The following MACROD2 variants were observed in gnomAD, a reference collection of about 807,000 sequenced individuals.
MACROD2 encodes mono-ADP ribosylhydrolase 2.
MACROD2 carries 36 observed loss-of-function variants against 70.4 expected under a neutral mutation model. The observed-to-expected ratio is 0.51, with a 90% confidence interval of 0.39 to 0.68. MACROD2 has a LOEUF of 0.68. Among genes scored for constraint, MACROD2 ranks in the 30% least tolerant of loss-of-function variants. The pLI, the probability that MACROD2 is intolerant of heterozygous loss-of-function variation, is 0.00. For synonymous variants in MACROD2, 172 were observed against 178.8 expected (o/e 0.96, Z 0.30); for missense variants, 496 against 538.4 (o/e 0.92, Z 0.78).
intron 4 of MACROD2, among the ~76,000 whole-genome samples, chr20:14,644,978 C>A (rs1405968207): frequency 6.6e-6 from 1 of 152,090 alleles, no homozygotes; most frequent in Non-Finnish European, 1.5e-5. Flanking sequence ...AGACTTTACA[C>A]TTATGGATTG....
At chr20:14,249,845 A>G (rs987521845) in intron 3 of MACROD2, among the ~76,000 whole-genome samples, 24 of 152,296 alleles carry the variant, frequency 1.6e-4, no homozygotes, top group African/African-American at 4.8e-4. Context: ...TATATAATAC[A>G]AGTGATAATG....
chr20:15,116,081 C>A (rs2075989884), intron 5 of MACROD2, among the ~76,000 whole-genome samples: 1 of 152,190 alleles, frequency 6.6e-6, no homozygotes, highest in Non-Finnish European at 1.5e-5. Context: ...GATATACAGA[C>A]CTTCTTTCCT....
chr20:15,458,655 T>G (rs560836300), intron 7 of MACROD2, among the ~76,000 whole-genome samples: 23 of 151,226 alleles, frequency 1.5e-4, no homozygotes, highest in African/African-American at 5.3e-4. Flanking sequence ...AAAAAAAGAT[T>G]GTGCCATTTA....
At chr20:14,141,127 G>A (rs1336349230) in intron 3 of MACROD2, among the ~76,000 whole-genome samples, 3 of 152,144 alleles carry the variant, frequency 2.0e-5, no homozygotes, top group Non-Finnish European at 2.9e-5. Context: ...TATTCCAGTG[G>A]CAATGGAATT....
At chr20:16,044,733 TC>T in intron 17 of MACROD2, 94 bp downstream of exon 17, 1 of 1,127,526 alleles carries the variant, frequency 8.9e-7, no homozygotes, top group Non-Finnish European at 1.3e-6. Flanking sequence ...TTTTGCCAAG[TC>T]CCCACAGCAT....
intron 8 of MACROD2, among the ~76,000 whole-genome samples, chr20:15,704,754 A>T (rs1422388827): frequency 6.6e-6 from 1 of 152,258 alleles, no homozygotes; most frequent in Non-Finnish European, 1.5e-5. Context: ...AAGTAGATGG[A>T]AAATAAAAGT....
intron 3 of MACROD2, among the ~76,000 whole-genome samples, chr20:14,262,606 A>G (rs1182387406): frequency 1.3e-5 from 2 of 152,204 alleles, no homozygotes; most frequent in Admixed American, 6.5e-5. Flanking sequence ...AAGTAGTTCT[A>G]GAAGAGAAGA....
intron 5 of MACROD2, among the ~76,000 whole-genome samples, chr20:15,030,364 C>T (rs1393342642): frequency 6.6e-6 from 1 of 152,252 alleles, no homozygotes; most frequent in East Asian, 1.9e-4. Context: ...TTCGGAAGAT[C>T]ACTTGAGCTC....
At position 15,484,595 on chromosome 20, in the gene MACROD2, G is replaced by A. The variant is rs117423559; in HGVS notation, c.572-15179G>A. Among the ~76,000 whole-genome samples, 624 of 152,290 alleles carry A rather than the reference G, an allele frequency of 4.1e-3. 2 individuals carry two copies. Among genetic ancestry groups the A allele is most frequent in the Middle Eastern group, 0.017 (5 of 294 alleles). On this transcript the variant is annotated intron_variant, in intron 7 of 17. Coordinates refer to ENST00000684519, the MANE Select transcript of MACROD2 (RefSeq NM_001351661.2). The stretch of plus-strand genomic sequence containing the variant: ...TCAGGTGAAATATTTTCTCTTGAAG[G>A]CAGGCCTTATTATGACACACAGAAT...
chr20:15,313,506 CAA>C (rs11314563), intron 6 of MACROD2, among the ~76,000 whole-genome samples: 2,193 of 86,214 alleles, frequency 0.025, 39 homozygotes, highest in African/African-American at 0.079. Flanking sequence ...GACTCCGTCT[CAA>C]AAAAAAAAAA....
intron 8 of MACROD2, among the ~76,000 whole-genome samples, chr20:15,678,985 C>A (rs1457529042): frequency 6.6e-6 from 1 of 152,060 alleles, no homozygotes; most frequent in Non-Finnish European, 1.5e-5. Context: ...GCCTGTAATC[C>A]CAGCACTTTG....
intron 5 of MACROD2, among the ~76,000 whole-genome samples, chr20:15,016,392 C>T (rs751576417): frequency 3.3e-5 from 5 of 152,058 alleles, no homozygotes; most frequent in Admixed American, 2.0e-4. Flanking sequence ...CTGCTACAGT[C>T]GATCCTGATA....
chr20:14,201,001 G>C lies in MACROD2; in HGVS notation c.271+115273G>C, dbSNP rs147865479. Among the ~76,000 whole-genome samples, 41 of 144,586 alleles carry C rather than the reference G, an allele frequency of 2.8e-4. 1 individual carries two copies. The East Asian group carries it at 7.4e-3, about 26-fold the overall frequency. The allele number at this position is 144,586 out of a possible 152,430, so 94.9% of individuals were successfully genotyped here. ...TTTTGGACTATTCCTTTTTACCTAT[G>C]AAGGATGTTTTTGTTTATGTTTTTT... On this transcript the variant is annotated intron_variant, in intron 3 of 17. Coordinates refer to ENST00000684519, the MANE Select transcript of MACROD2 (RefSeq NM_001351661.2).
intron 8 of MACROD2, among the ~76,000 whole-genome samples, chr20:15,562,177 C>G (rs2048253288): frequency 1.3e-5 from 2 of 152,082 alleles, no homozygotes; most frequent in South Asian, 2.1e-4. Flanking sequence ...CTGCCCCACC[C>G]CCATCCCCCA....
chr20:14,436,812 A>C (rs1355119550), intron 3 of MACROD2, among the ~76,000 whole-genome samples: 1 of 152,146 alleles, frequency 6.6e-6, no homozygotes, highest in Admixed American at 6.5e-5. Context: ...GAATAATAAC[A>C]ATGAAAGGAC....
At chr20:15,346,582 A>C (rs1165050263) in intron 6 of MACROD2, among the ~76,000 whole-genome samples, 1 of 152,144 alleles carries the variant, frequency 6.6e-6, no homozygotes, top group Non-Finnish European at 1.5e-5. Flanking sequence ...ATCTGTTGCC[A>C]GGGAAGGAAT....
chr20:15,621,981 G>C (rs953460848), intron 8 of MACROD2, among the ~76,000 whole-genome samples: 11 of 152,186 alleles, frequency 7.2e-5, no homozygotes, highest in South Asian at 6.2e-4. Flanking sequence ...GGTAAAGATA[G>C]ATGCGCACTA....
At chr20:14,704,692 A>G (rs1171627182) in intron 5 of MACROD2, among the ~76,000 whole-genome samples, 1 of 152,124 alleles carries the variant, frequency 6.6e-6, no homozygotes, top group African/African-American at 2.4e-5. Flanking sequence ...GCTTGATTCC[A>G]CAGCCTTCGA....
At chr20:14,631,726 A>T (rs1349944126) in intron 4 of MACROD2, 2 of 152,274 alleles carry the variant, frequency 1.3e-5, no homozygotes, top group African/African-American at 2.4e-5. Flanking sequence ...GTGAGCCGAG[A>T]TTGCGCCACT....
Sources: gnomAD v4.1 joint callset for allele counts (sites outside exome capture counted in the v4.1 genomes callset) on GRCh38, gnomAD v4.1.1 for gene constraint, MANE v1.5 for transcripts, NCBI Gene and HGNC (gene_info 2026-07-23, HGNC 2026-07-21) for gene names.